The following SPSB4 variants were observed in gnomAD, a reference collection of about 807,000 sequenced individuals.
SPSB4 encodes splA/ryanodine receptor domain and SOCS box containing 4.
In SPSB4, 21 loss-of-function variants were observed where a neutral mutation model predicts 20.9. The observed-to-expected ratio is 1.01, with a 90% CI of 0.71 to 1.45. SPSB4 has a LOEUF of 1.45. Ranked by LOEUF, SPSB4 falls within the 40% of genes most tolerant of loss-of-function variation. The pLI, the probability that SPSB4 is intolerant of heterozygous loss-of-function variation, is 0.00. For synonymous variants in SPSB4, 207 were observed against 183.8 expected (o/e 1.13, Z -1.02); for missense variants, 399 against 399.2 (o/e 1.00, Z 0.00).
In SPSB4 at chr3:141,103,439, T is replaced by A. The variant is rs181852574; in HGVS notation, c.694+36641T>A. On this transcript the variant is annotated intron_variant, in intron 2 of 2. Transcript: ENST00000310546. ...GCATCGGAACAGCACACACTTTTGGTGCCCTCAGCTGTACACAATCCTGAC... is the reference window on the plus strand; with the variant it reads ...GCATCGGAACAGCACACACTTTTGGAGCCCTCAGCTGTACACAATCCTGAC... 7.9e-5 allele frequency among the ~76,000 whole-genome samples: 12 copies of A among 152,312 alleles called. 1 individual carries two copies. The East Asian group carries it at 2.1e-3, about 27-fold the overall frequency.
chr3:141,147,442 C>A lies in SPSB4; in HGVS notation c.*173C>A. On this transcript the variant is annotated 3_prime_UTR_variant, in exon 3 of 3. Coordinates refer to ENST00000310546, the MANE Select transcript of SPSB4 (RefSeq NM_080862.3). ...TACCAACTTTGGAAACGAAAGGTCT[C>A]TTGCCAACAGTATCTACTGCCCTCG... 3 of 1,129,466 alleles carry A rather than the reference C, an allele frequency of 2.7e-6. No homozygotes were observed. The highest frequency in any genetic ancestry group is 3.7e-6 in the Non-Finnish European group (3 of 810,554). 70.0% of individuals were successfully genotyped at this position (1,129,466 alleles called of 1,614,324 possible).
In SPSB4 at chr3:141,081,793, G is replaced by A. The variant is rs145349485; in HGVS notation, c.694+14995G>A. Among the ~76,000 whole-genome samples the A allele has an allele frequency of 5.4e-3, 827 of 152,310 alleles. 9 individuals are homozygous for A. Among genetic ancestry groups the A allele is most frequent in the African/African-American group, 0.019 (788 of 41,564 alleles). On this transcript the variant is annotated intron_variant, in intron 2 of 2. Coordinates refer to ENST00000310546, the MANE Select transcript of SPSB4 (RefSeq NM_080862.3). Reference sequence around the variant, plus strand: ...GAAAAATAAGAAAGAGGGCTGTTATGGAGATGAAATAAAGCAAAACCTGTG... The same window carrying A: ...GAAAAATAAGAAAGAGGGCTGTTATAGAGATGAAATAAAGCAAAACCTGTG...
intron 2 of SPSB4, among the ~76,000 whole-genome samples, chr3:141,115,941 A>T (rs1430388951): frequency 1.3e-5 from 2 of 152,204 alleles, no homozygotes; most frequent in Non-Finnish European, 2.9e-5. Context: ...AACTTAAGAA[A>T]AACAAGCTTC....
chr3:141,101,088 T>G (rs1001578401), intron 2 of SPSB4, among the ~76,000 whole-genome samples: 1 of 151,976 alleles, frequency 6.6e-6, no homozygotes, highest in Non-Finnish European at 1.5e-5. Flanking sequence ...GTGGTACGAG[T>G]TGTCATGGGT....
chr3:141,132,652 G>GTA (rs61229879), intron 2 of SPSB4, among the ~76,000 whole-genome samples: 2,843 of 148,540 alleles, frequency 0.019, 38 homozygotes, highest in African/African-American at 0.032. Flanking sequence ...CAAGGTGTGT[G>GTA]TATATATATA....
chr3:141,107,810 C>T lies in SPSB4; in HGVS notation c.695-39332C>T. Among the ~76,000 whole-genome samples the T allele has an allele frequency of 1.3e-5, 2 of 152,012 alleles. 1 individual carries two copies. Among genetic ancestry groups the T allele is most frequent in the Non-Finnish European group, 2.9e-5 (2 of 67,998 alleles). The stretch of plus-strand genomic sequence containing the variant: ...TCTCTACTAAAAGTACAAAAATTAG[C>T]CAGGCATGGTGGCTCAAGCCTGTAA... On this transcript the variant is annotated intron_variant, in intron 2 of 2. Transcript: ENST00000310546.
rs148284371 is a variant in SPSB4 at position 141,075,821 on chromosome 3, C to T, written c.694+9023C>T. Among the ~76,000 whole-genome samples, 188 of 145,450 alleles carry T rather than the reference C, an allele frequency of 1.3e-3. 2 individuals carry two copies. The East Asian group carries it at 0.025, about 19-fold the overall frequency. The stretch of plus-strand genomic sequence containing the variant: ...CAGCACTTTGGGAGGCCGAGGCAGG[C>T]GGATCACTTGAGGTCAGGAGTTCGA... On this transcript the variant is annotated intron_variant, in intron 2 of 2. Coordinates refer to ENST00000310546, the MANE Select transcript of SPSB4 (RefSeq NM_080862.3).
rs146292875 is a variant in SPSB4, at chr3:141,128,757, G to A, written c.695-18385G>A. Among the ~76,000 whole-genome samples, 171 of 152,224 alleles carry A rather than the reference G, an allele frequency of 1.1e-3. 1 individual carries two copies. Among genetic ancestry groups the A allele is most frequent in the Non-Finnish European group, 1.7e-3 (114 of 67,990 alleles). On this transcript the variant is annotated intron_variant, in intron 2 of 2. Coordinates refer to ENST00000310546, the MANE Select transcript of SPSB4 (RefSeq NM_080862.3). ...GCTGGAGTCAGAGGTAAGGGGGACA[G>A]AGCATCATGGGGGGATGGCTCTTTA...
chr3:141,100,117 C>A (rs993099722), intron 2 of SPSB4, among the ~76,000 whole-genome samples: 1 of 152,204 alleles, frequency 6.6e-6, no homozygotes, highest in African/African-American at 2.4e-5. Flanking sequence ...AACCCAACTG[C>A]CCTGTAGTGA....
intron 2 of SPSB4, among the ~76,000 whole-genome samples, chr3:141,134,560 A>G (rs1939193492): frequency 6.6e-6 from 1 of 152,138 alleles, no homozygotes; most frequent in Non-Finnish European, 1.5e-5. Flanking sequence ...TTTTTTCTGC[A>G]TCTATTGACA....
chr3:141,061,734 CTT>C lies in SPSB4; in HGVS notation c.-153-4216_-153-4215del, dbSNP rs1245231427. On this transcript the variant is annotated intron_variant, in intron 1 of 2. Coordinates refer to ENST00000310546, the MANE Select transcript of SPSB4 (RefSeq NM_080862.3). ...TCTTTCTTTTTCTTTCCTTTTCTTTCTTTCTTTTTTTTTTTTTTTGAGATGGA... is the reference window on the plus strand; with the variant it reads ...TCTTTCTTTTTCTTTCCTTTTCTTTCTCTTTTTTTTTTTTTTTGAGATGGA... Among the ~76,000 whole-genome samples the C allele has an allele frequency of 3.2e-3, 353 of 110,970 alleles. 1 individual carries two copies. Among genetic ancestry groups the C allele is most frequent in the African/African-American group, 0.011 (343 of 30,846 alleles). 72.8% of individuals were successfully genotyped at this position (110,970 alleles called of 152,430 possible). A position where few individuals can be genotyped will look rare whatever the true frequency, so the allele number is the denominator to read the frequency against.
intron 2 of SPSB4, among the ~76,000 whole-genome samples, chr3:141,101,620 T>A (rs528584418): frequency 1.3e-5 from 2 of 152,200 alleles, no homozygotes; most frequent in African/African-American, 4.8e-5. Flanking sequence ...AGAATGGGTA[T>A]AAACTGCCCA....
intron 2 of SPSB4, among the ~76,000 whole-genome samples, chr3:141,080,693 C>A (rs371195167): frequency 6.6e-6 from 1 of 152,208 alleles, no homozygotes; most frequent in Non-Finnish European, 1.5e-5. Context: ...CACCATGCTG[C>A]GCAAGCCACC....
intron 2 of SPSB4, among the ~76,000 whole-genome samples, chr3:141,128,421 G>A (rs1007068901): frequency 2.0e-5 from 3 of 152,176 alleles, no homozygotes; most frequent in Non-Finnish European, 2.9e-5. Flanking sequence ...CAAGGAGTGG[G>A]GAGAGGACTG....
chr3:141,134,215 A>G (rs1939188915), intron 2 of SPSB4, among the ~76,000 whole-genome samples: 1 of 151,622 alleles, frequency 6.6e-6, no homozygotes, highest in African/African-American at 2.4e-5. Context: ...AGCTTTTTAG[A>G]TGAGTCTTTA....
chr3:141,079,114 A>G (rs1051830892), intron 2 of SPSB4, among the ~76,000 whole-genome samples: 3 of 152,068 alleles, frequency 2.0e-5, no homozygotes, highest in Middle Eastern at 3.2e-3. Context: ...ACACAAAAAT[A>G]GCCGGGTGTG....
At chr3:141,070,744 C>T (rs1410805928) in intron 2 of SPSB4, among the ~76,000 whole-genome samples, 1 of 152,184 alleles carries the variant, frequency 6.6e-6, no homozygotes, top group East Asian at 1.9e-4. Flanking sequence ...TCTATATTAT[C>T]ATCTTCAGTG....
At chr3:141,075,892 C>CAAAAAAA (rs532646509) in intron 2 of SPSB4, among the ~76,000 whole-genome samples, 15 of 68,850 alleles carry the variant, frequency 2.2e-4, no homozygotes, top group East Asian at 5.1e-4. Flanking sequence ...ACTAAAAATA[C>CAAAAAAA]AAAAAAAAAA....
In SPSB4 at chr3:141,119,849, T is replaced by C. The variant is rs1225504411; in HGVS notation, c.695-27293T>C. Among the ~76,000 whole-genome samples, 3 of 152,338 alleles carry C rather than the reference T, an allele frequency of 2.0e-5. No individual in the cohort carries two copies. The East Asian group carries it at 5.8e-4, about 29-fold the overall frequency. On this transcript the variant is annotated intron_variant, in intron 2 of 2. Coordinates refer to ENST00000310546, the MANE Select transcript of SPSB4 (RefSeq NM_080862.3). ...AGCAGTCTATGTATTTTGTTGATTT[T>C]TTCAAAAAACCAGCTCCTGGATTCA...
Sources: gnomAD v4.1 joint callset for allele counts (sites outside exome capture counted in the v4.1 genomes callset) on GRCh38, gnomAD v4.1.1 for gene constraint, MANE v1.5 for transcripts, NCBI Gene and HGNC (gene_info 2026-07-23, HGNC 2026-07-21) for gene names.